The following PCDH9 variants were observed in gnomAD, a reference collection of about 807,000 sequenced individuals.
PCDH9 encodes the protein protocadherin-9.
In PCDH9, 24 loss-of-function variants were observed where a neutral mutation model predicts 70.6. The observed-to-expected ratio is 0.34, with a 90% confidence interval of 0.25 to 0.48. The LOEUF (loss-of-function observed/expected upper bound fraction) is 0.48. Among genes scored for constraint, PCDH9 ranks in the 20% least tolerant of loss-of-function variants. The pLI is 0.99. For synonymous variants in PCDH9, 562 were observed against 558.5 expected, an observed-to-expected ratio of 1.01 and a Z score of -0.09; for missense variants, 1,281 against 1,503.6, an observed-to-expected ratio of 0.85 and a Z score of 2.45.
chr13:67,053,716 AT>A (rs2085366153), intron 2 of PCDH9, among the ~76,000 whole-genome samples: 1 of 152,192 alleles, frequency 6.6e-6, no homozygotes, highest in African/African-American at 2.4e-5. Context: ...ACAAGTTGGC[AT>A]TTACATTAGG....
At chr13:66,840,477 C>T (rs1566232142) in intron 3 of PCDH9, among the ~76,000 whole-genome samples, 2 of 152,154 alleles carry the variant, frequency 1.3e-5, no homozygotes, top group South Asian at 4.1e-4. Flanking sequence ...GAGAATTATA[C>T]AGAGAACCCT....
At chr13:66,593,198 G>T (rs1011038609) in intron 4 of PCDH9, among the ~76,000 whole-genome samples, 2 of 151,658 alleles carry the variant, frequency 1.3e-5, no homozygotes, top group African/African-American at 4.8e-5. Context: ...CAATGTTTAC[G>T]TATAGATGCC....
intron 2 of PCDH9, among the ~76,000 whole-genome samples, chr13:67,109,784 C>T (rs2086619087): frequency 6.6e-6 from 1 of 152,034 alleles, no homozygotes; most frequent in Non-Finnish European, 1.5e-5. Flanking sequence ...TATTTCTTCT[C>T]TTTTTAATTT....
At chr13:66,319,516 G>A (rs1183550465) in intron 4 of PCDH9, among the ~76,000 whole-genome samples, 10 of 151,910 alleles carry the variant, frequency 6.6e-5, no homozygotes, top group Non-Finnish European at 1.3e-4. Flanking sequence ...TAAAAGAAAT[G>A]GCACTCAAAG....
At chr13:67,096,772 T>C (rs2086328401) in intron 2 of PCDH9, among the ~76,000 whole-genome samples, 1 of 152,076 alleles carries the variant, frequency 6.6e-6, no homozygotes, top group Non-Finnish European at 1.5e-5. Flanking sequence ...AGGATGGTGA[T>C]GGGGGGAAAC....
intron 2 of PCDH9, among the ~76,000 whole-genome samples, chr13:66,984,439 A>G (rs781099977): frequency 1.3e-5 from 2 of 152,178 alleles, no homozygotes; most frequent in Non-Finnish European, 2.9e-5. Context: ...ATAGAAAAAC[A>G]CATACTGCCT....
At chr13:66,669,619 A>C (rs553855919) in intron 3 of PCDH9, among the ~76,000 whole-genome samples, 1 of 152,270 alleles carries the variant, frequency 6.6e-6, no homozygotes, top group African/African-American at 2.4e-5. Context: ...CAGAAAACCA[A>C]ATGGGAATGG....
chr13:66,653,124 A>G (rs537059256), intron 3 of PCDH9, among the ~76,000 whole-genome samples: 87 of 152,290 alleles, frequency 5.7e-4, no homozygotes, highest in African/African-American at 1.5e-3. Flanking sequence ...ACAGACAAAC[A>G]AAGCAAAAAT....
At chr13:66,613,263 G>T (rs1464822055) in intron 4 of PCDH9, among the ~76,000 whole-genome samples, 2 of 152,174 alleles carry the variant, frequency 1.3e-5, no homozygotes, top group Non-Finnish European at 2.9e-5. Context: ...TGGCTAAGGG[G>T]TTTAACTTTT....
chr13:67,166,946 A>T (rs922990635), intron 2 of PCDH9, among the ~76,000 whole-genome samples: 2 of 152,208 alleles, frequency 1.3e-5, no homozygotes, highest in African/African-American at 4.8e-5. Context: ...ATGAACACTA[A>T]AAAGCAAGGG....
intron 2 of PCDH9, among the ~76,000 whole-genome samples, chr13:66,991,379 G>T (rs2083999592): frequency 6.6e-6 from 1 of 151,880 alleles, no homozygotes; most frequent in Non-Finnish European, 1.5e-5. Flanking sequence ...TATGAATTAT[G>T]TAGTCTTACC....
chr13:66,933,736 A>T (rs1443196990), intron 2 of PCDH9, among the ~76,000 whole-genome samples: 2 of 152,178 alleles, frequency 1.3e-5, no homozygotes, highest in Non-Finnish European at 2.9e-5. Flanking sequence ...TCATCAATCA[A>T]ATCTTAGAAC....
chr13:66,664,442 C>CT (rs5804287), intron 3 of PCDH9, among the ~76,000 whole-genome samples: 77,221 of 146,356 alleles, frequency 0.53, 20,201 homozygotes, highest in African/African-American at 0.57. Flanking sequence ...CAGCAATGGG[C>CT]TTTTTTTTTT....
chr13:66,843,752 C>G (rs2081156277), intron 3 of PCDH9, among the ~76,000 whole-genome samples: 1 of 152,152 alleles, frequency 6.6e-6, no homozygotes. Flanking sequence ...TCTGGGGCCC[C>G]ATAGCAAAGT....
At chr13:66,948,620 A>C (rs1215145874) in intron 2 of PCDH9, among the ~76,000 whole-genome samples, 1 of 152,112 alleles carries the variant, frequency 6.6e-6, no homozygotes, top group African/African-American at 2.4e-5. Flanking sequence ...GTAGGGAAAA[A>C]TGAATGCTGT....
chr13:66,334,559 T>C (rs758147926), intron 4 of PCDH9, among the ~76,000 whole-genome samples: 5 of 152,190 alleles, frequency 3.3e-5, no homozygotes, highest in Admixed American at 6.5e-5. Context: ...CATACAAAGT[T>C]TGGACTTGCC....
chr13:67,082,085 C>T (rs191529910), intron 2 of PCDH9, among the ~76,000 whole-genome samples: 2 of 152,170 alleles, frequency 1.3e-5, no homozygotes, highest in African/African-American at 4.8e-5. Context: ...ATTATTATTA[C>T]CATTATTATT....
intron 3 of PCDH9, among the ~76,000 whole-genome samples, chr13:66,832,404 T>C (rs1195040548): frequency 6.6e-6 from 1 of 152,116 alleles, no homozygotes; most frequent in East Asian, 1.9e-4. Context: ...CCCTACATTT[T>C]ATCTTGAATA....
In PCDH9 at chr13:66,855,186, C is replaced by T. The variant is rs547425741; in HGVS notation, c.3138+48318G>A. Among the ~76,000 whole-genome samples the T allele has an allele frequency of 1.1e-4, 16 of 152,160 alleles. No homozygotes were observed. In the East Asian group the frequency reaches 1.7e-3, roughly 17 times the overall value. On this transcript the variant is annotated intron_variant, in intron 3 of 4. Transcript: ENST00000377865. ...CAATGCTAATGGGAAGATGACTTGT[C>T]TGTGCCCTTGGATCATGTCCTTGTG...
Sources: allele counts gnomAD v4.1 joint callset (sites outside exome capture counted in the v4.1 genomes callset), GRCh38; gene constraint gnomAD v4.1.1; transcripts MANE v1.5; gene names NCBI Gene and HGNC (gene_info 2026-07-23, HGNC 2026-07-21).